The following CNTN4 variants were observed in gnomAD, a reference collection of about 807,000 sequenced individuals.
The protein encoded by CNTN4 is contactin-4.
A neutral mutation model predicts 122.5 loss-of-function variants in CNTN4; 77 were observed. The ratio of observed to expected loss-of-function variants is 0.63; its 90% CI spans 0.52 to 0.76. The LOEUF (loss-of-function observed/expected upper bound fraction) is 0.76, where lower values mean the gene tolerates loss of function less well. CNTN4 is among the 30% of genes least tolerant of loss of function. The pLI, the probability that CNTN4 is intolerant of heterozygous loss-of-function variation, is 0.00. For synonymous variants in CNTN4, 512 were observed against 447.0 expected, an observed-to-expected ratio of 1.15 and a Z score of -1.83; for missense variants, 1,256 against 1,259.1, an observed-to-expected ratio of 1.00 and a Z score of 0.04.
rs573429907 is a variant in CNTN4 at position 2,366,237 on chromosome 3, C to G, written c.-89+27004C>G. Among the ~76,000 whole-genome samples the G allele has an allele frequency of 5.9e-5, 9 of 152,226 alleles. 1 individual carries two copies. The highest frequency in any genetic ancestry group is 2.2e-4 in the African/African-American group (9 of 41,536). ...GAATTTATACAGGTAGAAAAAAGTA[C>G]ATTTTCACGTTTTAATTAACTGAGA... On this transcript the variant is annotated intron_variant, in intron 3 of 24. Coordinates refer to ENST00000418658, the MANE Select transcript of CNTN4 (RefSeq NM_175607.3).
At chr3:2,772,724 C>A (rs1034541487) in intron 6 of CNTN4, among the ~76,000 whole-genome samples, 1 of 152,090 alleles carries the variant, frequency 6.6e-6, no homozygotes, top group Non-Finnish European at 1.5e-5. Flanking sequence ...ATGAGAAATA[C>A]TACATCGATA....
chr3:2,307,159 G>A (rs2042738798), intron 2 of CNTN4, among the ~76,000 whole-genome samples: 1 of 152,124 alleles, frequency 6.6e-6, no homozygotes, highest in African/African-American at 2.4e-5. Context: ...AGCAAGGCCG[G>A]GCGCAGTGGC....
intron 3 of CNTN4, among the ~76,000 whole-genome samples, chr3:2,345,138 T>G (rs957209362): frequency 1.1e-4 from 17 of 152,232 alleles, no homozygotes; most frequent in Admixed American, 8.5e-4. Flanking sequence ...AACACATCCC[T>G]GTGGCCTTAC....
At chr3:2,194,232 G>A (rs890926964) in intron 2 of CNTN4, among the ~76,000 whole-genome samples, 12 of 152,106 alleles carry the variant, frequency 7.9e-5, no homozygotes, top group African/African-American at 2.2e-4. Context: ...GGGAGGCTGA[G>A]GCAGGAGGAT....
intron 4 of CNTN4, among the ~76,000 whole-genome samples, chr3:2,686,164 A>G (rs2150537548): frequency 6.6e-6 from 1 of 152,300 alleles, no homozygotes; most frequent in East Asian, 1.9e-4. Context: ...ACTTGAGAGT[A>G]CCTTTATTAA....
At chr3:2,308,779 T>C (rs559491298) in intron 2 of CNTN4, among the ~76,000 whole-genome samples, 1 of 152,212 alleles carries the variant, frequency 6.6e-6, no homozygotes, top group East Asian at 1.9e-4. Flanking sequence ...TTTAAACTCA[T>C]TGAAGTTTGT....
chr3:2,902,431 C>G (rs2094185127), intron 11 of CNTN4, among the ~76,000 whole-genome samples: 1 of 152,060 alleles, frequency 6.6e-6, no homozygotes, highest in African/African-American at 2.4e-5. Flanking sequence ...TCTGTTTCAT[C>G]CAAGATTGTA....
intron 6 of CNTN4, among the ~76,000 whole-genome samples, chr3:2,790,461 A>G (rs910022498): frequency 3.3e-5 from 5 of 152,208 alleles, no homozygotes; most frequent in African/African-American, 1.2e-4. Context: ...TCAGAAGGGA[A>G]AGGAGCAGAA....
rs779585576 is a variant in CNTN4 at position 2,883,133 on chromosome 3, AT to A, written c.653-9del. The A allele has an allele frequency of 4.8e-5, 76 of 1,586,598 alleles. No individual in the cohort carries two copies. Among genetic ancestry groups the A allele is most frequent in the Non-Finnish European group, 6.4e-5 (74 of 1,155,288 alleles). On this transcript the variant is annotated splice_polypyrimidine_tract_variant and intron_variant, in intron 8 of 24. Coordinates refer to ENST00000418658, the MANE Select transcript of CNTN4 (RefSeq NM_175607.3). ...AGAATCTCCAAGACTTAGCCCCTTT[AT>A]TTATTCACAGGAGTGATGGGTGAAT...
chr3:2,608,920 G>C (rs964777399), intron 4 of CNTN4, among the ~76,000 whole-genome samples: 1 of 152,160 alleles, frequency 6.6e-6, no homozygotes, highest in South Asian at 2.1e-4. Flanking sequence ...CTAGTCAGGG[G>C]CATGCCTGAT....
chr3:2,105,344 A>G (rs928107774), intron 2 of CNTN4, among the ~76,000 whole-genome samples: 1 of 152,204 alleles, frequency 6.6e-6, no homozygotes, highest in African/African-American at 2.4e-5. Flanking sequence ...GGCTATGCCT[A>G]AAGTGAGTTA....
chr3:2,462,435 G>T (rs1420100984), intron 3 of CNTN4, among the ~76,000 whole-genome samples: 2 of 152,202 alleles, frequency 1.3e-5, no homozygotes, highest in Admixed American at 1.3e-4. Context: ...AATCATAAAA[G>T]TAGCACTCTG....
intron 2 of CNTN4, among the ~76,000 whole-genome samples, chr3:2,247,779 A>G (rs1254249232): frequency 6.6e-6 from 1 of 151,956 alleles, no homozygotes; most frequent in Non-Finnish European, 1.5e-5. Flanking sequence ...CTAGTCAGCA[A>G]AAGTGGCAGA....
At chr3:2,322,764 T>C (rs1383406909) in intron 2 of CNTN4, among the ~76,000 whole-genome samples, 1 of 152,204 alleles carries the variant, frequency 6.6e-6, no homozygotes, top group East Asian at 1.9e-4. Flanking sequence ...ATACTAAGCA[T>C]CTAATTATCT....
At chr3:2,238,654 A>C (rs886589913) in intron 2 of CNTN4, among the ~76,000 whole-genome samples, 1 of 151,362 alleles carries the variant, frequency 6.6e-6, no homozygotes, top group Admixed American at 6.6e-5. Flanking sequence ...GAATGTTGCC[A>C]AACTGTGCGT....
At chr3:2,686,477 T>G (rs1382812265) in intron 4 of CNTN4, among the ~76,000 whole-genome samples, 2 of 152,124 alleles carry the variant, frequency 1.3e-5, no homozygotes, top group East Asian at 3.9e-4. Flanking sequence ...GCTCCAAATC[T>G]CTATGCCCTT....
Position 2,579,433 on chromosome 3 carries a change from C to A in CNTN4, c.55+7875C>A, listed in dbSNP as rs13096258. ...CCAAAAACACCAGCTGGAGACACTG[C>A]AGAGCTGGCGGTTGAGAATATGGAC... On this transcript the variant is annotated intron_variant, in intron 4 of 24. Coordinates refer to ENST00000418658, the MANE Select transcript of CNTN4 (RefSeq NM_175607.3). Among the ~76,000 whole-genome samples the A allele has an allele frequency of 2.0e-5, 3 of 152,206 alleles. No homozygotes were observed. The South Asian group carries it at 6.2e-4, about 32-fold the overall frequency.
chr3:2,952,797 C>CTAAT (rs1453735504), intron 13 of CNTN4, among the ~76,000 whole-genome samples: 1 of 152,164 alleles, frequency 6.6e-6, no homozygotes, highest in Admixed American at 6.5e-5. Flanking sequence ...CTCTAGTATT[C>CTAAT]TAATTAGAAT....
chr3:2,785,528 T>C (rs1358775434), intron 6 of CNTN4, among the ~76,000 whole-genome samples: 1 of 152,128 alleles, frequency 6.6e-6, no homozygotes, highest in African/African-American at 2.4e-5. Context: ...CCAGAAATAA[T>C]GTTTAAGCTT....
Sources: gnomAD v4.1 joint callset for allele counts (sites outside exome capture counted in the v4.1 genomes callset) on GRCh38, gnomAD v4.1.1 for gene constraint, MANE v1.5 for transcripts, NCBI Gene and HGNC (gene_info 2026-07-23, HGNC 2026-07-21) for gene names.